The following USP24 variants were observed in gnomAD, a reference collection of about 807,000 sequenced individuals.
USP24 encodes the protein ubiquitin specific peptidase 24.
Under a neutral mutation model 361.6 loss-of-function variants are expected in USP24, and 97 were observed. The ratio of observed to expected loss-of-function variants is 0.27; its 90% confidence interval spans 0.23 to 0.32. USP24 has a LOEUF of 0.32. Among genes scored for constraint, USP24 ranks in the 10% least tolerant of loss-of-function variants. USP24 has a pLI of 1.00. For missense variants in USP24, 2,353 were observed against 3,165.6 expected, an observed-to-expected ratio of 0.74 and a Z score of 6.16; for synonymous variants, 1,098 against 1,124.6, an observed-to-expected ratio of 0.98 and a Z score of 0.47.
intron 12 of USP24, among the ~76,000 whole-genome samples, chr1:55,156,679 A>G (rs1481993921): frequency 6.6e-6 from 1 of 152,178 alleles, no homozygotes; most frequent in East Asian, 1.9e-4. Context: ...ACCTATTCCT[A>G]GCTCTGCCAC....
chr1:55,128,408 C>A (rs1049799994), intron 32 of USP24, among the ~76,000 whole-genome samples: 3 of 152,076 alleles, frequency 2.0e-5, no homozygotes, highest in Admixed American at 1.3e-4. Flanking sequence ...CCAATGAGAC[C>A]CTTCTTGACA....
intron 39 of USP24, among the ~76,000 whole-genome samples, chr1:55,108,566 C>G (rs563586867): frequency 2.6e-5 from 4 of 152,316 alleles, no homozygotes; most frequent in African/African-American, 9.6e-5. Flanking sequence ...CACTGGCTTA[C>G]GGAATACACT....
At chr1:55,120,805 G>C in intron 37 of USP24, 49 bp from the exon 38 acceptor site, 1 of 1,472,840 alleles carries the variant, frequency 6.8e-7, no homozygotes, top group Non-Finnish European at 9.0e-7. Flanking sequence ...TCAACATGTT[G>C]AGACTGCTTA....
At chr1:55,107,046 T>G (rs1000646751) in intron 40 of USP24, among the ~76,000 whole-genome samples, 193 bp downstream of exon 40, 2 of 152,238 alleles carry the variant, frequency 1.3e-5, no homozygotes, top group Non-Finnish European at 2.9e-5. Flanking sequence ...AAATTCTCTA[T>G]GTTGTTTAAT....
Position 55,165,905 on chromosome 1 carries a change from A to T in USP24, c.907T>A (p.Ser303Thr). ...CTTACCCCAAGTTCTATATCTTCTG[A>T]ATGGAGCTTGGCTTGGATTGCTGCA... Reference protein sequence around the residue: ...GFAAIQAKLHSEDIELGAVSA... With the variant: ...GFAAIQAKLHTEDIELGAVSA... The change falls in exon 7 of 68, where the codon TCA becomes ACA. Residue 303 changes from serine (S) to threonine (T), a missense_variant. This residue lies in a region of USP24 where 386 missense variants were observed against 560.5 expected (regional missense o/e 0.69). Transcript: ENST00000294383. 1 of 1,607,518 alleles carries T rather than the reference A, an allele frequency of 6.2e-7. No homozygotes were observed. Among genetic ancestry groups the T allele is most frequent in the Non-Finnish European group, 8.5e-7 (1 of 1,176,194 alleles).
intron 40 of USP24, 106 bp from the exon 41 acceptor site, chr1:55,106,369 A>G: frequency 1.3e-6 from 1 of 770,400 alleles, no homozygotes; most frequent in Non-Finnish European, 2.1e-6. Flanking sequence ...AATGCCACCC[A>G]ATAGCAGAGC....
chr1:55,125,509 A>T lies in USP24; in HGVS notation c.3771T>A (p.Asp1257Glu). ...CTATACCATCTTTGGTGAGGTCTTC[A>T]TCTAATAACGTGGGCATTGTTTGTC... ...LVGQTMPTLL[D>E]EDLTKDGIEA... is the part of the protein sequence containing the mutation. Residue 1257 changes from aspartate (D) to glutamate (E), a missense_variant, in exon 34 of 68, where the codon GAT becomes GAA. Transcript: ENST00000294383. 1 of 1,614,006 alleles carries T rather than the reference A, an allele frequency of 6.2e-7. No individual in the cohort carries two copies. The highest frequency in any genetic ancestry group is 8.5e-7 in the Non-Finnish European group (1 of 1,179,876).
chr1:55,156,939 T>A lies in USP24; in HGVS notation c.1446+9A>T, dbSNP rs765136828. On this transcript the variant is annotated intron_variant, in intron 12 of 67. Coordinates refer to ENST00000294383, the MANE Select transcript of USP24 (RefSeq NM_015306.3). ...TAGCCAAAGGCAAAAATAATTCTGA[T>A]CAACCTACCTGTATCTTCCAAATTT... The A allele has an allele frequency of 6.2e-7, 1 of 1,602,188 alleles. No individual in the cohort carries two copies. The highest frequency in any genetic ancestry group is 1.3e-5 in the African/African-American group (1 of 74,640).
intron 5 of USP24, among the ~76,000 whole-genome samples, chr1:55,169,852 T>C (rs1354317601): frequency 6.6e-6 from 1 of 151,900 alleles, no homozygotes; most frequent in African/African-American, 2.4e-5. Context: ...GGGTAAAAAA[T>C]GATAGGAGGG....
intron 60 of USP24, among the ~76,000 whole-genome samples, chr1:55,079,170 C>G (rs369683201): frequency 1.3e-5 from 2 of 152,164 alleles, no homozygotes; most frequent in East Asian, 3.9e-4. Flanking sequence ...AGCCCACCCA[C>G]ACTCCTGAGG....
intron 1 of USP24, among the ~76,000 whole-genome samples, chr1:55,191,494 C>CT (rs34179339): frequency 0.83 from 118,306 of 142,022 alleles, 51,285 homozygotes; most frequent in Middle Eastern, 0.96. Context: ...ATGGCACTTT[C>CT]TTTTTTTTTT....
At chr1:55,190,628 A>C (rs1412772306) in intron 1 of USP24, among the ~76,000 whole-genome samples, 1 of 152,240 alleles carries the variant, frequency 6.6e-6, no homozygotes. Context: ...ATTAATGGTC[A>C]CTGATTATAA....
At chr1:55,078,683 C>A in intron 60 of USP24, 32 bp from the exon 61 acceptor site, 1 of 1,548,244 alleles carries the variant, frequency 6.5e-7, no homozygotes, top group Non-Finnish European at 8.7e-7. Context: ...GTCAGCTATT[C>A]TCATGTCACA....
At chr1:55,176,275 C>G (rs1024389445) in intron 3 of USP24, 101 bp downstream of exon 3, 2 of 974,666 alleles carry the variant, frequency 2.1e-6, no homozygotes, top group African/African-American at 3.3e-5. Context: ...ATAAACTGGT[C>G]TTATACATAA....
At chr1:55,165,796 C>T in intron 7 of USP24, 89 bp downstream of exon 7, 1 of 1,055,252 alleles carries the variant, frequency 9.5e-7, no homozygotes, top group Non-Finnish European at 1.3e-6. Context: ...TAACATTTAA[C>T]TTGGCATGTC....
intron 38 of USP24, among the ~76,000 whole-genome samples, chr1:55,116,142 G>A (rs1646109211): frequency 3.3e-5 from 5 of 152,154 alleles, no homozygotes; most frequent in Middle Eastern, 3.4e-3. Context: ...CGTTCTGCAC[G>A]TGTATCCCAG....
intron 42 of USP24, 51 bp from the exon 43 acceptor site, chr1:55,101,754 C>A: frequency 6.6e-7 from 1 of 1,520,504 alleles, no homozygotes; most frequent in Non-Finnish European, 8.8e-7. Context: ...AGCATTTCTG[C>A]CACAGACACA....
At chr1:55,104,649 A>AG (rs1264607487) in intron 41 of USP24, among the ~76,000 whole-genome samples, 1 of 152,164 alleles carries the variant, frequency 6.6e-6, no homozygotes, top group Non-Finnish European at 1.5e-5. Context: ...TGCATTACTG[A>AG]GGGATCACTG....
At position 55,092,089 on chromosome 1, in the gene USP24, T is replaced by C. The variant is rs780877453; in HGVS notation, c.6488A>G (p.Lys2163Arg). The stretch of plus-strand genomic sequence containing the variant: ...TTGAATAGCAAGCTGTAAGCTCACC[T>C]TTGCCATGCAAGGATAATATGGATG... The part of the protein sequence containing the change: ...LKHPYYPCMA[K>R]VSLQLAIQFL... Residue 2163 changes from lysine (K) to arginine (R), a missense_variant, in exon 54 of 68, where the codon AAG becomes AGG. By Grantham distance (26) the Lys-to-Arg change is conservative. Transcript: ENST00000294383. 3 of 1,612,684 alleles carry C rather than the reference T, an allele frequency of 1.9e-6. No individual in the cohort carries two copies. The highest frequency in any genetic ancestry group is 2.2e-5 in the South Asian group (2 of 90,746).
Sources: allele counts gnomAD v4.1 joint callset (sites outside exome capture counted in the v4.1 genomes callset), GRCh38; gene constraint gnomAD v4.1.1; regional missense constraint gnomAD v4.1.1; transcripts MANE v1.5; gene names NCBI Gene and HGNC (gene_info 2026-07-23, HGNC 2026-07-21).